The following ANO2 variants were observed in gnomAD, a reference collection of about 807,000 sequenced individuals.
ANO2 encodes the protein anoctamin-2.
A neutral mutation model predicts 124.2 loss-of-function variants in ANO2; 101 were observed. That is an observed-to-expected ratio of 0.81 (90% CI 0.69 to 0.96). The LOEUF (loss-of-function observed/expected upper bound fraction) is 0.96, where lower values mean the gene tolerates loss of function less well. Among genes scored for constraint, ANO2 ranks in the 40% least tolerant of loss-of-function variants. The pLI is 0.00. For missense variants in ANO2, 1,293 were observed against 1,274.5 expected (o/e 1.01, Z -0.22); for synonymous variants, 486 against 482.5 (o/e 1.01, Z -0.09).
chr12:5,922,540 G>A, intron 2 of ANO2, 80 bp downstream of exon 2: 1 of 1,418,388 alleles, frequency 7.1e-7, no homozygotes, highest in Non-Finnish European at 9.3e-7. Context: ...CCAACTGGAG[G>A]ATCCCCCAGA....
At chr12:5,939,235 A>AAAAG in intron 1 of ANO2, among the ~76,000 whole-genome samples, 1 of 150,616 alleles carries the variant, frequency 6.6e-6, no homozygotes, top group African/African-American at 2.4e-5. Context: ...AAAAAAAAAA[A>AAAAG]CTTTGTGTTT....
Position 5,563,062 on chromosome 12 carries a change from GCTTAAAAGGGGA to G in ANO2, c.*225_*236del. 1.6e-6 allele frequency: 1 copy of G among 611,876 alleles called. No homozygotes were observed. Among genetic ancestry groups the G allele is most frequent in the East Asian group, 3.0e-5 (1 of 33,152 alleles). 37.9% of individuals were successfully genotyped at this position (611,876 alleles called of 1,614,324 possible). A position where few individuals can be genotyped will look rare whatever the true frequency, so the allele number is the denominator to read the frequency against. On this transcript the variant is annotated 3_prime_UTR_variant, in exon 25 of 25. Transcript: ENST00000682330. Reference sequence around the variant, plus strand: ...GGTTCCAATCCCTCAAAAGGATGCAGCTTAAAAGGGGACCTAAAAGAAACTTAAGCTTGAAGT... The same window carrying G: ...GGTTCCAATCCCTCAAAAGGATGCAGCCTAAAAGAAACTTAAGCTTGAAGT...
chr12:5,589,801 G>C (rs995128306), intron 20 of ANO2, among the ~76,000 whole-genome samples: 1 of 152,142 alleles, frequency 6.6e-6, no homozygotes, highest in African/African-American at 2.4e-5. Flanking sequence ...CTCAGGACAG[G>C]CAGGGCAGGA....
intron 14 of ANO2, among the ~76,000 whole-genome samples, chr12:5,720,195 T>C (rs1364534062): frequency 1.3e-5 from 2 of 152,146 alleles, no homozygotes; most frequent in East Asian, 3.9e-4. Flanking sequence ...TGGGCAATGA[T>C]TGTCAGAAGC....
chr12:5,847,985 T>C (rs989753596), intron 4 of ANO2, among the ~76,000 whole-genome samples: 2 of 152,230 alleles, frequency 1.3e-5, no homozygotes, highest in African/African-American at 4.8e-5. Flanking sequence ...CTCGAACCGT[T>C]ATCTTTGAAC....
chr12:5,664,783 C>T (rs767358522), intron 14 of ANO2, among the ~76,000 whole-genome samples: 37 of 152,358 alleles, frequency 2.4e-4, no homozygotes, highest in Non-Finnish European at 4.7e-4. Context: ...ATATTCAATA[C>T]GCATAGCCTC....
At chr12:5,813,063 G>GAT (rs879809920) in intron 7 of ANO2, among the ~76,000 whole-genome samples, 2 of 135,784 alleles carry the variant, frequency 1.5e-5, no homozygotes, top group African/African-American at 2.8e-5. Context: ...GAGGAAGGAA[G>GAT]GAAGACGAAA....
chr12:5,920,935 T>C, intron 3 of ANO2, 105 bp downstream of exon 3: 1 of 1,315,074 alleles, frequency 7.6e-7, no homozygotes, highest in Non-Finnish European at 1.0e-6. Context: ...AAAGTCCACC[T>C]GCCAGAATAA....
chr12:5,659,571 A>G (rs1430688723), intron 14 of ANO2, among the ~76,000 whole-genome samples: 1 of 152,250 alleles, frequency 6.6e-6, no homozygotes, highest in Non-Finnish European at 1.5e-5. Context: ...GTCTGCAGGC[A>G]TGCCTAAAGC....
intron 3 of ANO2, among the ~76,000 whole-genome samples, chr12:5,883,794 C>T (rs1938687590): frequency 1.3e-5 from 2 of 152,148 alleles, no homozygotes; most frequent in Admixed American, 1.3e-4. Context: ...TCATTTCTAG[C>T]TCTGACATTT....
intron 14 of ANO2, among the ~76,000 whole-genome samples, chr12:5,725,783 T>C (rs1950414549): frequency 6.6e-6 from 1 of 151,998 alleles, no homozygotes; most frequent in South Asian, 2.1e-4. Context: ...TGCCTCACTG[T>C]CCTGCTTGCC....
At chr12:5,777,394 C>T (rs974160532) in intron 10 of ANO2, among the ~76,000 whole-genome samples, 3 of 150,434 alleles carry the variant, frequency 2.0e-5, no homozygotes, top group African/African-American at 4.9e-5. Flanking sequence ...TCATTGGGAG[C>T]AAAGGCTGCA....
At chr12:5,685,935 C>T (rs1358069151) in intron 14 of ANO2, among the ~76,000 whole-genome samples, 1 of 152,182 alleles carries the variant, frequency 6.6e-6, no homozygotes, top group Non-Finnish European at 1.5e-5. Context: ...CTGGCCATTT[C>T]CCCAGTCCCA....
chr12:5,806,029 G>T, intron 9 of ANO2, 23 bp downstream of exon 9: 1 of 1,612,648 alleles, frequency 6.2e-7, no homozygotes, highest in South Asian at 1.1e-5. Context: ...CAAAGTCCAG[G>T]ATGCTGCACG....
chr12:5,603,696 A>G (rs1944054473), intron 19 of ANO2, among the ~76,000 whole-genome samples: 1 of 152,206 alleles, frequency 6.6e-6, no homozygotes, highest in African/African-American at 2.4e-5. Flanking sequence ...CTGTAATTCC[A>G]GCACTTTGGG....
intron 10 of ANO2, among the ~76,000 whole-genome samples, chr12:5,782,529 G>A (rs906371563): frequency 6.6e-6 from 1 of 151,792 alleles, no homozygotes; most frequent in Non-Finnish European, 1.5e-5. Context: ...TTTTTTTCAG[G>A]GATTACCTGC....
chr12:5,645,192 G>A (rs930585791), intron 15 of ANO2, among the ~76,000 whole-genome samples: 6 of 151,738 alleles, frequency 4.0e-5, no homozygotes, highest in South Asian at 2.1e-4. Context: ...CTTTTTTATC[G>A]CTATGCTGTA....
At chr12:5,591,064 C>T (rs539519644) in intron 20 of ANO2, among the ~76,000 whole-genome samples, 218 of 152,284 alleles carry the variant, frequency 1.4e-3, no homozygotes, top group Non-Finnish European at 2.7e-3. Context: ...CCTATAATCA[C>T]AACTACTCGG....
At chr12:5,831,414 C>T (rs996999985) in intron 5 of ANO2, among the ~76,000 whole-genome samples, 1 of 152,132 alleles carries the variant, frequency 6.6e-6, no homozygotes, top group African/African-American at 2.4e-5. Flanking sequence ...CCAGCACCAG[C>T]ATAAATGAAG....
Sources: allele counts gnomAD v4.1 joint callset (sites outside exome capture counted in the v4.1 genomes callset), GRCh38; gene constraint gnomAD v4.1.1; transcripts MANE v1.5; gene names NCBI Gene and HGNC (gene_info 2026-07-23, HGNC 2026-07-21).